RPN2: variants seen among roughly 807,000 people sequenced by gnomAD.
The protein encoded by RPN2 is ribophorin II.
RPN2 carries 29 observed loss-of-function variants against 71.4 expected under a neutral mutation model. The ratio of observed to expected loss-of-function variants is 0.41; its 90% CI spans 0.30 to 0.55. The LOEUF (loss-of-function observed/expected upper bound fraction) is 0.55. Among genes scored for constraint, RPN2 ranks in the 20% least tolerant of loss-of-function variants. The pLI, the probability that RPN2 is intolerant of heterozygous loss-of-function variation, is 0.35. For missense variants in RPN2, 726 were observed against 774.1 expected (o/e 0.94, Z 0.74); for synonymous variants, 308 against 305.0 (o/e 1.01, Z -0.10).
intron 2 of RPN2, among the ~76,000 whole-genome samples, chr20:37,190,562 C>A (rs150531780): frequency 2.0e-5 from 3 of 152,020 alleles, no homozygotes; most frequent in Admixed American, 6.6e-5. Flanking sequence ...TGTGGTAATA[C>A]GTAGTATTAC....
In RPN2 at chr20:37,207,379, G is replaced by A. The variant is rs1244111768; in HGVS notation, c.797G>A (p.Arg266His). ...GCAGCTGCTGTGCTCTCGCATAATCGCTACCACGTGCCAGTTGTGGTTGTG... is the reference window on the plus strand; with the variant it reads ...GCAGCTGCTGTGCTCTCGCATAATCACTACCACGTGCCAGTTGTGGTTGTG... ...ASAAAVLSHNRYHVPVVVVPE... is the reference protein window; with the variant it reads ...ASAAAVLSHNHYHVPVVVVPE... Residue 266 changes from arginine (R) to histidine (H), a missense_variant, in exon 7 of 17, where the codon CGC becomes CAC. Transcript: ENST00000237530. 8 of 1,613,974 alleles carry A rather than the reference G, an allele frequency of 5.0e-6. No individual in the cohort carries two copies. The highest frequency in any genetic ancestry group is 6.8e-6 in the Non-Finnish European group (8 of 1,179,950).
intron 11 of RPN2, 142 bp downstream of exon 11, chr20:37,225,944 TC>T (rs1183884520): frequency 2.8e-6 from 2 of 710,048 alleles, no homozygotes; most frequent in African/African-American, 3.5e-5. Context: ...TCCATCAGGT[TC>T]TCCCACATGA....
At position 37,198,951 on chromosome 20, in the gene RPN2, A is replaced by C. The variant is rs1568970765; in HGVS notation, c.304-99A>C. 7.4e-6 allele frequency: 7 copies of C among 949,692 alleles called. 1 individual carries two copies. The Admixed American group carries it at 1.0e-4, about 14-fold the overall frequency. 58.8% of individuals were successfully genotyped at this position (949,692 alleles called of 1,614,324 possible). A position where few individuals can be genotyped will look rare whatever the true frequency, so the allele number is the denominator to read the frequency against. ...AGGGGGATGAGCATGTGCGAGGCGG[A>C]GGTGACTTTGGCAGCTGCTCCGCAT... On this transcript the variant is annotated intron_variant, in intron 3 of 16. Coordinates refer to ENST00000237530, the MANE Select transcript of RPN2 (RefSeq NM_002951.5).
At chr20:37,184,797 A>C (rs2066970005) in intron 2 of RPN2, among the ~76,000 whole-genome samples, 1 of 152,196 alleles carries the variant, frequency 6.6e-6, no homozygotes, top group Admixed American at 6.5e-5. Context: ...GTCTCAAAAA[A>C]AGAAGTTTAT....
chr20:37,213,804 GTTA>G lies in RPN2; in HGVS notation c.1036_1038del (p.Tyr346del), dbSNP rs1568984106. On this transcript the variant is annotated inframe_deletion, in exon 9 of 17. Coordinates refer to ENST00000237530, the MANE Select transcript of RPN2 (RefSeq NM_002951.5). ...TTCATGAACGTCAAATTTTCCAGTG[GTTA>G]TTATGACTTCCTTGTCGAAGTTGAA... 6.2e-7 allele frequency: 1 copy of G among 1,614,142 alleles called. No homozygotes were observed. Among genetic ancestry groups the G allele is most frequent in the Non-Finnish European group, 8.5e-7 (1 of 1,179,992 alleles).
intron 4 of RPN2, among the ~76,000 whole-genome samples, chr20:37,199,748 A>G (rs1047530121): frequency 6.6e-6 from 1 of 152,182 alleles, no homozygotes; most frequent in African/African-American, 2.4e-5. Flanking sequence ...GTGAAGGAGA[A>G]GCACCTTTCC....
intron 2 of RPN2, among the ~76,000 whole-genome samples, chr20:37,197,615 A>T (rs2146557674): frequency 6.6e-6 from 1 of 151,982 alleles, no homozygotes; most frequent in East Asian, 1.9e-4. Flanking sequence ...TTTTATTTTT[A>T]TTTTTTTGGG....
At chr20:37,211,444 G>A (rs547913966) in intron 8 of RPN2, among the ~76,000 whole-genome samples, 4 of 151,114 alleles carry the variant, frequency 2.6e-5, no homozygotes, top group Non-Finnish European at 5.9e-5. Flanking sequence ...CTCGAGAACA[G>A]CCTGGCCAAC....
chr20:37,219,591 T>TTTG (rs199966421), intron 9 of RPN2, among the ~76,000 whole-genome samples: 2 of 152,178 alleles, frequency 1.3e-5, no homozygotes, highest in South Asian at 2.1e-4. Flanking sequence ...TTTAAAATGT[T>TTTG]TTGTTGTTGT....
intron 4 of RPN2, among the ~76,000 whole-genome samples, chr20:37,199,521 A>T (rs575414299): frequency 6.6e-6 from 1 of 152,272 alleles, no homozygotes; most frequent in South Asian, 2.1e-4. Context: ...GTGCGGTTGG[A>T]GGGCTAGAGC....
intron 2 of RPN2, among the ~76,000 whole-genome samples, chr20:37,189,606 A>C (rs2067097580): frequency 6.6e-6 from 1 of 152,158 alleles, no homozygotes; most frequent in African/African-American, 2.4e-5. Flanking sequence ...TTTCCTCATG[A>C]TTACACTCTT....
chr20:37,186,850 C>T (rs2146519803), intron 2 of RPN2, among the ~76,000 whole-genome samples: 1 of 152,222 alleles, frequency 6.6e-6, no homozygotes, highest in South Asian at 2.1e-4. Flanking sequence ...GAATATTTTC[C>T]ACATTCTGCC....
chr20:37,187,816 A>AT (rs2067044890), intron 2 of RPN2, among the ~76,000 whole-genome samples: 1 of 151,436 alleles, frequency 6.6e-6, no homozygotes, highest in Non-Finnish European at 1.5e-5. Flanking sequence ...AATTTTTTGT[A>AT]TTTTTTGGTA....
intron 9 of RPN2, among the ~76,000 whole-genome samples, chr20:37,216,315 G>A (rs1246352469): frequency 6.6e-6 from 1 of 152,006 alleles, no homozygotes; most frequent in Non-Finnish European, 1.5e-5. Context: ...CTCCAGCCTG[G>A]GCAATGGAGC....
chr20:37,204,238 G>T (rs1199931770), intron 5 of RPN2, among the ~76,000 whole-genome samples: 1 of 152,212 alleles, frequency 6.6e-6, no homozygotes, highest in Non-Finnish European at 1.5e-5. Context: ...GTCATGGACT[G>T]CCTGGCAGGA....
At chr20:37,215,030 CATA>C (rs1327578898) in intron 9 of RPN2, among the ~76,000 whole-genome samples, 1 of 152,102 alleles carries the variant, frequency 6.6e-6, no homozygotes, top group Non-Finnish European at 1.5e-5. Flanking sequence ...TTATAACTAT[CATA>C]ATTCTTTATC....
At chr20:37,194,794 G>A (rs763106682) in intron 2 of RPN2, among the ~76,000 whole-genome samples, 5 of 152,178 alleles carry the variant, frequency 3.3e-5, no homozygotes, top group Non-Finnish European at 7.3e-5. Context: ...GAAAGGGTCT[G>A]GCGTGGGGCC....
chr20:37,187,501 C>CAAAAAAAAAAAAAAAAAAA (rs532495023), intron 2 of RPN2, among the ~76,000 whole-genome samples: 1 of 8,740 alleles, frequency 1.1e-4, no homozygotes, highest in African/African-American at 7.5e-4. Flanking sequence ...GACTCCGTCT[C>CAAAAAAAAAAAAAAAAAAA]AAAAAAAAAA....
intron 9 of RPN2, among the ~76,000 whole-genome samples, chr20:37,219,018 TG>T (rs2067887978): frequency 6.6e-6 from 1 of 152,254 alleles, no homozygotes. Context: ...CACTTGTTTT[TG>T]GTTCTTTCAG....
Sources: gnomAD v4.1 joint callset for allele counts (sites outside exome capture counted in the v4.1 genomes callset) on GRCh38, gnomAD v4.1.1 for gene constraint, MANE v1.5 for transcripts, NCBI Gene and HGNC (gene_info 2026-07-23, HGNC 2026-07-21) for gene names.